The following KIAA0513 variants were observed in gnomAD, a reference collection of about 807,000 sequenced individuals.
KIAA0513 encodes the protein KIAA0513, also known as uncharacterized protein KIAA0513.
A neutral mutation model predicts 56.5 loss-of-function variants in KIAA0513; 39 were observed. The observed-to-expected ratio is 0.69, with a 90% confidence interval of 0.53 to 0.90. The LOEUF (loss-of-function observed/expected upper bound fraction) is 0.90. Ranked by LOEUF, KIAA0513 falls within the 40% of genes least tolerant of loss-of-function variation. The pLI, the probability that KIAA0513 is intolerant of heterozygous loss-of-function variation, is 0.00. For synonymous variants in KIAA0513, 268 were observed against 215.6 expected (o/e 1.24, Z -2.13); for missense variants, 591 against 535.2 (o/e 1.10, Z -1.03).
chr16:85,092,987 G>A lies in KIAA0513; in HGVS notation c.*4662G>A, dbSNP rs950789254. The A allele has an allele frequency of 2.2e-4, 33 of 152,436 alleles. 1 individual carries two copies. Among genetic ancestry groups the A allele is most frequent in the African/African-American group, 7.9e-4 (33 of 41,566 alleles). 9.4% of individuals were successfully genotyped at this position (152,436 alleles called of 1,614,324 possible). A position where few individuals can be genotyped will look rare whatever the true frequency, so the allele number is the denominator to read the frequency against. On this transcript the variant is annotated 3_prime_UTR_variant, in exon 13 of 13. Transcript: ENST00000683363. The stretch of plus-strand genomic sequence containing the variant: ...GGCCCTCAGGGGGCCTGCCTTCTGC[G>A]CCTCAGTCCCCCGTGCATCCCTGGG...
Position 85,067,454 on chromosome 16 carries a change from A to C in KIAA0513, c.329+54A>C. 2.9e-6 allele frequency: 4 copies of C among 1,384,232 alleles called. No homozygotes were observed. In the East Asian group the frequency reaches 6.9e-5, roughly 24 times the overall value. The allele number at this position is 1,384,232 out of a possible 1,614,324, so 85.7% of individuals were successfully genotyped here. A position where few individuals can be genotyped will look rare whatever the true frequency, so the allele number is the denominator to read the frequency against. ...TGGTGTGGCCACAGGGCCCAAGGGG[A>C]CTCGCCTCCTGCTCTCGGCTCTGCC... is the stretch of plus-strand genomic sequence containing the variant. On this transcript the variant is annotated intron_variant, in intron 2 of 12. Transcript: ENST00000683363.
chr16:85,055,395 T>C (rs1016664043), intron 1 of KIAA0513, among the ~76,000 whole-genome samples: 9 of 152,236 alleles, frequency 5.9e-5, no homozygotes, highest in African/African-American at 1.7e-4. Context: ...GATAATGAAA[T>C]ACAATATTTC....
At chr16:85,083,706 C>G (rs1032168289) in intron 10 of KIAA0513, among the ~76,000 whole-genome samples, 3 of 152,224 alleles carry the variant, frequency 2.0e-5, no homozygotes, top group African/African-American at 7.2e-5. Context: ...ACCCATAGCT[C>G]TGCACCAGTG....
intron 1 of KIAA0513, among the ~76,000 whole-genome samples, chr16:85,031,739 T>G (rs1374133787): frequency 6.6e-6 from 1 of 152,234 alleles, no homozygotes; most frequent in Non-Finnish European, 1.5e-5. Context: ...TTCAGGTCAC[T>G]GCTGCAATAT....
In KIAA0513 at chr16:85,091,530, A is replaced by G. The variant is rs2073867333; in HGVS notation, c.*3205A>G. On this transcript the variant is annotated 3_prime_UTR_variant, in exon 13 of 13. Coordinates refer to ENST00000683363, the MANE Select transcript of KIAA0513 (RefSeq NM_001388359.1). ...AGTCCAGTTTCTGAGCTCTGTACCC[A>G]AATTAAAATCCTGATGTTCAGGTTA... The G allele has an allele frequency of 6.6e-6, 1 of 152,218 alleles. No individual in the cohort carries two copies. The highest frequency in any genetic ancestry group is 2.4e-5 in the African/African-American group (1 of 41,450). 9.4% of individuals were successfully genotyped at this position (152,218 alleles called of 1,614,324 possible).
At chr16:85,047,419 G>A (rs1271587290) in intron 1 of KIAA0513, among the ~76,000 whole-genome samples, 1 of 152,192 alleles carries the variant, frequency 6.6e-6, no homozygotes, top group Non-Finnish European at 1.5e-5. Context: ...TCAGCCAGGA[G>A]GCAGGGCTTC....
chr16:85,042,243 A>G (rs1332610874), intron 1 of KIAA0513, among the ~76,000 whole-genome samples: 1 of 152,190 alleles, frequency 6.6e-6, no homozygotes, highest in African/African-American at 2.4e-5. Context: ...CTAAAGTGGG[A>G]AATAGAGAAG....
chr16:85,082,075 CT>C (rs934196138), intron 9 of KIAA0513, among the ~76,000 whole-genome samples: 6 of 152,250 alleles, frequency 3.9e-5, no homozygotes, highest in Non-Finnish European at 5.9e-5. Context: ...ATCCCTCCCC[CT>C]GTAACACTGG....
chr16:85,064,441 A>G (rs929834781), intron 1 of KIAA0513, among the ~76,000 whole-genome samples: 3 of 152,236 alleles, frequency 2.0e-5, no homozygotes, highest in Admixed American at 6.5e-5. Context: ...AATTCCAAGC[A>G]TTTGAATTCC....
intron 1 of KIAA0513, among the ~76,000 whole-genome samples, chr16:85,061,573 G>T (rs28730876): frequency 0.083 from 12,646 of 152,188 alleles, 1,685 homozygotes; most frequent in African/African-American, 0.28. Flanking sequence ...CGAAAAGAGA[G>T]GAGAGTCTTG....
Position 85,077,575 on chromosome 16 carries a change from A to T in KIAA0513, c.725A>T (p.Lys242Met), listed in dbSNP as rs200321460. ...KNTSARTENV[K>M]GFFGGLETKL... The stretch of plus-strand genomic sequence containing the variant: ...ACCTCGGCCAGGACTGAGAATGTCA[A>T]GGGCTTCTTCGGGGGGCTGGAGACC... Residue 242 changes from lysine (K) to methionine (M), a missense_variant, in exon 6 of 13, where the codon AAG becomes ATG. Lys to Met is a moderately conservative substitution (Grantham distance 95). Coordinates refer to ENST00000683363, the MANE Select transcript of KIAA0513 (RefSeq NM_001388359.1). 1.2e-5 allele frequency: 19 copies of T among 1,614,004 alleles called. No homozygotes were observed. Among genetic ancestry groups the T allele is most frequent in the Non-Finnish European group, 1.6e-5 (19 of 1,180,016 alleles).
In KIAA0513 at chr16:85,075,767, C is replaced by G. The variant is rs2073647148; in HGVS notation, c.504-77C>G. On this transcript the variant is annotated intron_variant, in intron 4 of 12. Coordinates refer to ENST00000683363, the MANE Select transcript of KIAA0513 (RefSeq NM_001388359.1). ...TAATTGGGACGCATGTGTCAAGTGT[C>G]TCAGTGATGTCTGACCGACTTGCAG... 4.8e-6 allele frequency: 6 copies of G among 1,256,992 alleles called. No homozygotes were observed. The Admixed American group carries it at 5.1e-5, about 11-fold the overall frequency. 77.9% of individuals were successfully genotyped at this position (1,256,992 alleles called of 1,614,324 possible).
At chr16:85,041,422 C>T (rs1401818602) in intron 1 of KIAA0513, among the ~76,000 whole-genome samples, 1 of 152,208 alleles carries the variant, frequency 6.6e-6, no homozygotes, top group East Asian at 1.9e-4. Context: ...TGGCATCTGC[C>T]TCCTGGAGTC....
chr16:85,043,968 T>C (rs1462329323), intron 1 of KIAA0513, among the ~76,000 whole-genome samples: 4 of 152,200 alleles, frequency 2.6e-5, no homozygotes, highest in African/African-American at 9.6e-5. Flanking sequence ...AAGCGGAGGT[T>C]GTGGTGAGTG....
intron 1 of KIAA0513, among the ~76,000 whole-genome samples, chr16:85,030,857 C>T (rs1393645124): frequency 6.6e-6 from 1 of 151,874 alleles, no homozygotes; most frequent in African/African-American, 2.4e-5. Context: ...AAAAGGAATT[C>T]ACGGGGAGGT....
At position 85,089,027 on chromosome 16, in the gene KIAA0513, G is replaced by C. The variant is rs777373337; in HGVS notation, c.*702G>C. ...GACGGCCCGGGAGCTGTGTGTCTCC[G>C]CCAGAGTCACAGCAGTGCCGAGGTG... On this transcript the variant is annotated 3_prime_UTR_variant, in exon 13 of 13. Transcript: ENST00000683363. The surrounding 1 kb of genome is among the most constrained non-coding windows in gnomAD (Gnocchi z 4.2). 6.6e-6 allele frequency: 1 copy of C among 152,406 alleles called. No homozygotes were observed. Among genetic ancestry groups the C allele is most frequent in the Middle Eastern group, 3.4e-3 (1 of 294 alleles). 9.4% of individuals were successfully genotyped at this position (152,406 alleles called of 1,614,324 possible). A position where few individuals can be genotyped will look rare whatever the true frequency, so the allele number is the denominator to read the frequency against.
In KIAA0513 at chr16:85,092,893, C is replaced by CA; in HGVS notation, c.*4571dup. ...AGGAATGTGTTGGTGCCTGAGACAC[C>CA]AAATGGAAGAAGCACATCAAGACTG... On this transcript the variant is annotated 3_prime_UTR_variant, in exon 13 of 13. Coordinates refer to ENST00000683363, the MANE Select transcript of KIAA0513 (RefSeq NM_001388359.1). 6.6e-6 allele frequency: 1 copy of CA among 152,304 alleles called. No homozygotes were observed. The highest frequency in any genetic ancestry group is 1.9e-4 in the East Asian group (1 of 5,158). 9.4% of individuals were successfully genotyped at this position (152,304 alleles called of 1,614,324 possible). A position where few individuals can be genotyped will look rare whatever the true frequency, so the allele number is the denominator to read the frequency against.
chr16:85,038,202 T>G (rs1315223815), intron 1 of KIAA0513, among the ~76,000 whole-genome samples: 1 of 152,196 alleles, frequency 6.6e-6, no homozygotes, highest in African/African-American at 2.4e-5. Context: ...TCCATGCCCT[T>G]GAAGAGCATT....
rs369005451 is a variant in KIAA0513 at position 85,081,901 on chromosome 16, C to T, written c.980+509C>T. Reference sequence around the variant, plus strand: ...CCTCGCACGTGGCAGAGGGGAGGGGCTGGCACCCACCCCACGGGGGCCGAT... The same window carrying T: ...CCTCGCACGTGGCAGAGGGGAGGGGTTGGCACCCACCCCACGGGGGCCGAT... On this transcript the variant is annotated intron_variant, in intron 9 of 12. Coordinates refer to ENST00000683363, the MANE Select transcript of KIAA0513 (RefSeq NM_001388359.1). This position sits in a 1 kb window ranked among gnomAD's most constrained non-coding sequence, Gnocchi z 4.4. Among the ~76,000 whole-genome samples, 18 of 152,358 alleles carry T rather than the reference C, an allele frequency of 1.2e-4. No homozygotes were observed. In the East Asian group the frequency reaches 1.9e-3, roughly 16 times the overall value.
Sources: gnomAD v4.1 joint callset for allele counts (sites outside exome capture counted in the v4.1 genomes callset) on GRCh38, gnomAD v4.1.1 for gene constraint, Gnocchi (gnomAD v3.1) non-coding constraint, MANE v1.5 for transcripts, NCBI Gene and HGNC (gene_info 2026-07-23, HGNC 2026-07-21) for gene names.